The following ATM variants were observed in gnomAD, a reference collection of about 807,000 sequenced individuals.
ATM encodes the protein serine-protein kinase ATM.
A neutral mutation model predicts 387.0 loss-of-function variants in ATM; 308 were observed. That is an observed-to-expected ratio of 0.80 (90% confidence interval 0.73 to 0.87). The LOEUF is 0.87. Ranked by LOEUF, ATM falls within the 40% of genes least tolerant of loss-of-function variation. ATM has a pLI of 0.00. For missense variants in ATM, 3,312 were observed against 3,560.9 expected, an observed-to-expected ratio of 0.93 and a Z score of 1.78; for synonymous variants, 1,156 against 1,187.3, an observed-to-expected ratio of 0.97 and a Z score of 0.54.
chr11:108,267,071 C>G, intron 16 of ATM, 100 bp from the exon 17 acceptor site: 1 of 1,222,870 alleles, frequency 8.2e-7, no homozygotes, highest in Non-Finnish European at 1.2e-6. Context: ...GCTGAGATTA[C>G]AGATGTGAGC....
chr11:108,296,986 G>C (rs2083156922), intron 32 of ATM: 1 of 357,684 alleles, frequency 2.8e-6, no homozygotes, highest in Non-Finnish European at 5.3e-6. Context: ...TCTAGCTTTA[G>C]TGTTGAATGA....
chr11:108,363,753 T>G (rs1265929017), intron 61 of ATM, among the ~76,000 whole-genome samples: 2 of 152,194 alleles, frequency 1.3e-5, no homozygotes, highest in East Asian at 1.9e-4. Context: ...TGAAACATAA[T>G]TTTTTACTTA....
intron 37 of ATM, among the ~76,000 whole-genome samples, chr11:108,306,117 A>G (rs897653476): frequency 1.3e-5 from 2 of 152,212 alleles, no homozygotes; most frequent in African/African-American, 4.8e-5. Context: ...CTCTAATGTC[A>G]TTTAGACTTC....
chr11:108,234,573 A>G lies in ATM; in HGVS notation c.332-1097A>G, dbSNP rs4987910. On this transcript the variant is annotated intron_variant, in intron 4 of 62. Transcript: ENST00000675843. ...GTACAGGGGTCAAGCACAGTGGCTC[A>G]TACCTATAGTCTCAGCACTTTGGGA... 9.0e-3 allele frequency among the ~76,000 whole-genome samples: 1,375 copies of G among 152,342 alleles called. 20 individuals carry two copies. Among genetic ancestry groups the G allele is most frequent in the African/African-American group, 0.031 (1,298 of 41,568 alleles).
At chr11:108,309,167 G>GTATGTTGGGCAAAAACAAAGAACAACAAT (rs2083932275) in intron 38 of ATM, 1 of 637,104 alleles carries the variant, frequency 1.6e-6, no homozygotes, top group African/African-American at 1.8e-5. Flanking sequence ...ATCCTGTACA[G>GTATGTTGGGCAAAAACAAAGAACAACAAT]TATGTTGGGC....
rs587779825 is a variant in ATM, at chr11:108,267,282, G to A, written c.2578G>A (p.Asp860Asn). 3.7e-6 allele frequency: 6 copies of A among 1,613,972 alleles called. No individual in the cohort carries two copies. The East Asian group carries it at 8.9e-5, about 24-fold the overall frequency. ...TCAGTCATCCATGAATCTATTTAAC[G>A]ATTACCCTGATAGTAGTGTTAGTGA... is the stretch of plus-strand genomic sequence containing the variant. ...EDQSSMNLFNDYPDSSVSDAN... is the reference protein window; with the variant it reads ...EDQSSMNLFNNYPDSSVSDAN... The change falls in exon 17 of 63, where the codon GAT (aspartate) becomes AAT (asparagine). Residue 860 changes from aspartate (D) to asparagine (N), a missense_variant. Physicochemically the swap from Asp to Asn is conservative, Grantham distance 23 (BLOSUM62 1). Around this residue, in one of 4 missense-constraint regions of ATM, gnomAD observed 1,791 missense variants for 1,804.5 expected, o/e 0.99. Coordinates refer to ENST00000675843, the MANE Select transcript of ATM (RefSeq NM_000051.4).
intron 39 of ATM, 35 bp from the exon 40 acceptor site, chr11:108,312,376 G>A (rs2136056862): frequency 6.8e-7 from 1 of 1,466,374 alleles, no homozygotes; most frequent in Non-Finnish European, 9.6e-7. Flanking sequence ...CAAATAGTAT[G>A]TTCTCATTAA....
chr11:108,332,081 A>C, intron 52 of ATM, 44 bp downstream of exon 52: 1 of 1,601,206 alleles, frequency 6.2e-7, no homozygotes, highest in Non-Finnish European at 8.5e-7. Context: ...TGTGATATTC[A>C]GTCTTTCCTA....
At chr11:108,293,735 G>A (rs1000893123) in intron 31 of ATM, among the ~76,000 whole-genome samples, 1 of 151,192 alleles carries the variant, frequency 6.6e-6, no homozygotes, top group Admixed American at 6.6e-5. Context: ...AAAATTAGTC[G>A]GGCATGGTGA....
In ATM at chr11:108,287,736, G is replaced by C. The variant is rs1343533385; in HGVS notation, c.4109+21G>C. On this transcript the variant is annotated intron_variant, in intron 27 of 62. Transcript: ENST00000675843. ...TCAGGGTATGTACATTTTAAACTTA[G>C]AGAACTAGCTCTAACTTCACAAGTT... is the stretch of plus-strand genomic sequence containing the variant. 2.0e-6 allele frequency: 3 copies of C among 1,526,350 alleles called. No homozygotes were observed. In the South Asian group the frequency reaches 3.4e-5, roughly 17 times the overall value. The allele number at this position is 1,526,350 out of a possible 1,614,324, so 94.6% of individuals were successfully genotyped here.
At chr11:108,359,772 G>C (rs2137599611) in intron 61 of ATM, among the ~76,000 whole-genome samples, 1 of 152,190 alleles carries the variant, frequency 6.6e-6, no homozygotes, top group African/African-American at 2.4e-5. Context: ...CAACGTACCA[G>C]AATCTCTGGG....
intron 49 of ATM, among the ~76,000 whole-genome samples, chr11:108,329,906 C>T (rs2086076537): frequency 6.6e-6 from 1 of 152,096 alleles, no homozygotes; most frequent in African/African-American, 2.4e-5. Context: ...CAAAAGTTAC[C>T]TATTTTGATG....
Position 108,354,066 on chromosome 11 carries a change from CACAA to C in ATM, c.8786+190_8786+193del, listed in dbSNP as rs749741352. Among the ~76,000 whole-genome samples the C allele has an allele frequency of 0.067, 7,265 of 108,250 alleles. 197 individuals carry two copies. Among genetic ancestry groups the C allele is most frequent in the African/African-American group, 0.079 (2,162 of 27,300 alleles). 71.0% of individuals were successfully genotyped at this position (108,250 alleles called of 152,430 possible). On this transcript the variant is annotated intron_variant, in intron 60 of 62. Transcript: ENST00000675843. ...CCCTGTATCTAAAAAAATACACACA[CACAA>C]ACACACACACACACACACACACACA...
chr11:108,294,858 CTTTTA>C, intron 31 of ATM, 64 bp from the exon 32 acceptor site: 2 of 1,574,050 alleles, frequency 1.3e-6, no homozygotes, highest in Non-Finnish European at 1.7e-6. Flanking sequence ...TAATTTTTTT[CTTTTA>C]TTAAGTTTTA....
intron 31 of ATM, 76 bp from the exon 32 acceptor site, chr11:108,294,851 T>G: frequency 6.5e-7 from 1 of 1,543,782 alleles, no homozygotes; most frequent in Non-Finnish European, 8.9e-7. Flanking sequence ...ACTTAACTAA[T>G]TTTTTTCTTT....
chr11:108,240,077 C>T lies in ATM; in HGVS notation c.497-3876C>T, dbSNP rs374524398. ...TCTTGCACCAGTGGTACATTTGTTA[C>T]CATCAGTAAACCTATGCTGGGACAC... On this transcript the variant is annotated intron_variant, in intron 5 of 62. Transcript: ENST00000675843. Among the ~76,000 whole-genome samples, 376 of 152,274 alleles carry T rather than the reference C, an allele frequency of 2.5e-3. 3 individuals carry two copies. The highest frequency in any genetic ancestry group is 4.1e-3 in the Admixed American group (63 of 15,288).
At chr11:108,278,273 A>G (rs2082051068) in intron 22 of ATM, among the ~76,000 whole-genome samples, 1 of 152,226 alleles carries the variant, frequency 6.6e-6, no homozygotes, top group Admixed American at 6.5e-5. Flanking sequence ...AATGCATTGC[A>G]AGGATTTCTA....
intron 27 of ATM, 52 bp from the exon 28 acceptor site, chr11:108,288,925 T>C: frequency 1.2e-6 from 2 of 1,610,534 alleles, no homozygotes; most frequent in Non-Finnish European, 1.7e-6. Flanking sequence ...CACTGGTCTA[T>C]GAACAAAACT....
At chr11:108,258,344 A>G (rs1229705161) in intron 15 of ATM, among the ~76,000 whole-genome samples, 2 of 152,228 alleles carry the variant, frequency 1.3e-5, no homozygotes, top group South Asian at 2.1e-4. Context: ...TATGACTTTT[A>G]TATACAACCA....
Sources: gnomAD v4.1 joint callset for allele counts (sites outside exome capture counted in the v4.1 genomes callset) on GRCh38, gnomAD v4.1.1 for gene constraint, gnomAD v4.1.1 regional missense constraint, MANE v1.5 for transcripts, NCBI Gene and HGNC (gene_info 2026-07-23, HGNC 2026-07-21) for gene names.